CRLF2: variants seen among roughly 807,000 people sequenced by gnomAD.
The protein encoded by CRLF2 is cytokine receptor-like factor 2.
CRLF2 carries 41 observed loss-of-function variants against 38.7 expected under a neutral mutation model. The observed-to-expected ratio is 1.06, with a 90% CI of 0.83 to 1.37. The LOEUF is 1.37. CRLF2 is among the 40% of genes most tolerant of loss of function. The pLI, the probability that CRLF2 is intolerant of heterozygous loss-of-function variation, is 0.00. For synonymous variants in CRLF2, 140 were observed against 128.8 expected, an observed-to-expected ratio of 1.09 and a Z score of -0.59; for missense variants, 377 against 322.2, an observed-to-expected ratio of 1.17 and a Z score of -1.30.
At chrX:1,207,736 G>T (rs1436157031) in intron 2 of CRLF2, among the ~76,000 whole-genome samples, 2 of 151,180 alleles carry the variant, frequency 1.3e-5, no homozygotes, top group Non-Finnish European at 2.9e-5. Context: ...CGTGAACTCC[G>T]TCTCCCAGGT....
At position 1,192,703 on chromosome X, in the gene CRLF2, TTTTCTTTTCTTTC is replaced by T. The variant is rs1462689975; in HGVS notation, c.852+502_852+514del. Among the ~76,000 whole-genome samples the T allele has an allele frequency of 2.6e-4, 39 of 147,548 alleles. No individual in the cohort carries two copies. The East Asian group carries it at 2.8e-3, about 11-fold the overall frequency. ...TCTTTTTCTCTTTCTTTTTCTTTTC[TTTTCTTTTCTTTC>T]TTTCTTTCTTTCTTTCTTTCTTTCT... On this transcript the variant is annotated intron_variant, in intron 7 of 7. Coordinates refer to ENST00000400841, the MANE Select transcript of CRLF2 (RefSeq NM_022148.4).
chrX:1,198,946 C>T (rs755614547), intron 4 of CRLF2: 79 of 579,920 alleles, frequency 1.4e-4, no homozygotes, highest in South Asian at 1.2e-3. Context: ...GTCGCAAGTT[C>T]GAGACCAGCC....
chrX:1,203,185 C>T (rs2147843182), intron 3 of CRLF2, among the ~76,000 whole-genome samples: 1 of 147,888 alleles, frequency 6.8e-6, no homozygotes, highest in South Asian at 2.2e-4. Flanking sequence ...TGAGGTCATA[C>T]TGGAGAAGGA....
intron 6 of CRLF2, among the ~76,000 whole-genome samples, chrX:1,193,508 T>C (rs1254988352): frequency 1.3e-5 from 2 of 152,000 alleles, no homozygotes; most frequent in African/African-American, 4.8e-5. Flanking sequence ...CCGGGAGTGG[T>C]GGCTCACGCC....
chrX:1,192,070 T>G (rs2086391478), intron 7 of CRLF2, among the ~76,000 whole-genome samples: 3 of 148,562 alleles, frequency 2.0e-5, no homozygotes, highest in African/African-American at 7.4e-5. Context: ...CCGGGTGTGG[T>G]GGCGGGCGCC....
intron 7 of CRLF2, among the ~76,000 whole-genome samples, chrX:1,192,024 T>A (rs2086390300): frequency 7.0e-6 from 1 of 142,332 alleles, no homozygotes. Flanking sequence ...ACTAACATGG[T>A]GAAACCCCAT....
intron 6 of CRLF2, 21 bp downstream of exon 6, chrX:1,196,759 G>T (rs771266702): frequency 6.2e-7 from 1 of 1,611,076 alleles, no homozygotes; most frequent in Non-Finnish European, 8.5e-7. Context: ...TCCACCCACG[G>T]GCGGCAGGAG....
Position 1,190,859 on chromosome X carries a change from C to G in CRLF2, c.*38G>C. 1 of 398,646 alleles carries G rather than the reference C, an allele frequency of 2.5e-6. No individual in the cohort carries two copies. Among genetic ancestry groups the G allele is most frequent in the Non-Finnish European group, 4.4e-6 (1 of 226,086 alleles). 24.7% of individuals were successfully genotyped at this position (398,646 alleles called of 1,614,324 possible). A position where few individuals can be genotyped will look rare whatever the true frequency, so the allele number is the denominator to read the frequency against. ...AGTCCCCTCTGTCTTTAAATGTCAACGTGGATCCTGACGTTGACTTTGACA... is the reference window on the plus strand; with the variant it reads ...AGTCCCCTCTGTCTTTAAATGTCAAGGTGGATCCTGACGTTGACTTTGACA... On this transcript the variant is annotated 3_prime_UTR_variant, in exon 8 of 8. Coordinates refer to ENST00000400841, the MANE Select transcript of CRLF2 (RefSeq NM_022148.4).
intron 1 of CRLF2, 81 bp downstream of exon 1, chrX:1,212,475 G>T: frequency 8.4e-5 from 66 of 782,202 alleles, no homozygotes; most frequent in Non-Finnish European, 1.1e-4. Flanking sequence ...CATTGTTTAA[G>T]TTTTACAAAA....
chrX:1,195,893 A>C (rs1274367959), intron 6 of CRLF2, among the ~76,000 whole-genome samples: 2 of 140,318 alleles, frequency 1.4e-5, no homozygotes, highest in Admixed American at 7.7e-5. Context: ...ATATAGATTA[A>C]ATTAAATATG....
At chrX:1,203,832 CA>C (rs1300629834) in intron 3 of CRLF2, among the ~76,000 whole-genome samples, 1 of 152,122 alleles carries the variant, frequency 6.6e-6, no homozygotes, top group Non-Finnish European at 1.5e-5. Flanking sequence ...GAAACGCACC[CA>C]GTATCTGTAA....
chrX:1,206,327 G>A (rs2086690308), intron 3 of CRLF2, 106 bp downstream of exon 3: 2 of 976,872 alleles, frequency 2.0e-6, no homozygotes, highest in African/African-American at 1.6e-5. Context: ...AATAGTTAAC[G>A]GTAATCATGG....
chrX:1,192,836 C>CA (rs1434920353), intron 7 of CRLF2, among the ~76,000 whole-genome samples: 9 of 143,230 alleles, frequency 6.3e-5, no homozygotes, highest in Non-Finnish European at 1.2e-4. Context: ...TTTTTCTTGA[C>CA]AGAGTCTCAC....
intron 6 of CRLF2, among the ~76,000 whole-genome samples, chrX:1,193,778 T>A (rs2086434159): frequency 1.6e-5 from 1 of 64,422 alleles, no homozygotes. Context: ...CGAGACTCCA[T>A]CTCAAAAAAA....
chrX:1,200,587 A>ATG (rs2086586375), intron 4 of CRLF2, among the ~76,000 whole-genome samples: 1 of 103,618 alleles, frequency 9.7e-6, no homozygotes, highest in African/African-American at 3.2e-5. Context: ...GTGTGTATAT[A>ATG]TGTGTGTATA....
chrX:1,197,286 C>CT (rs200303396), intron 5 of CRLF2, among the ~76,000 whole-genome samples: 4,451 of 137,632 alleles, frequency 0.032, 96 homozygotes, highest in Non-Finnish European at 0.048. Flanking sequence ...AGAGATGGAC[C>CT]TATTTTTTTT....
intron 6 of CRLF2, among the ~76,000 whole-genome samples, chrX:1,193,781 CA>C (rs1176813644): frequency 0.046 from 2,718 of 58,904 alleles, 33 homozygotes; most frequent in Middle Eastern, 0.054. Flanking sequence ...GACTCCATCT[CA>C]AAAAAAAAAA....
intron 7 of CRLF2, among the ~76,000 whole-genome samples, chrX:1,192,823 T>C (rs1361153866): frequency 1.3e-5 from 2 of 149,200 alleles, no homozygotes; most frequent in Non-Finnish European, 3.0e-5. Context: ...TTCCTTCTTT[T>C]TTTTTTTCTT....
intron 6 of CRLF2, 111 bp downstream of exon 6, chrX:1,196,669 G>C: frequency 7.3e-7 from 1 of 1,374,366 alleles, no homozygotes; most frequent in South Asian, 1.4e-5. Flanking sequence ...GCATTGTATG[G>C]AAACTGAGGC....
Sources: allele counts gnomAD v4.1 joint callset (sites outside exome capture counted in the v4.1 genomes callset), GRCh38; gene constraint gnomAD v4.1.1; transcripts MANE v1.5; gene names NCBI Gene and HGNC (gene_info 2026-07-23, HGNC 2026-07-21).